The following MARCHF1 variants were observed in gnomAD, a reference collection of about 807,000 sequenced individuals.
MARCHF1 encodes the protein E3 ubiquitin-protein ligase MARCHF1.
A neutral mutation model predicts 54.2 loss-of-function variants in MARCHF1; 40 were observed. The ratio of observed to expected loss-of-function variants is 0.74; its 90% CI spans 0.57 to 0.96. The LOEUF is 0.96. Among genes scored for constraint, MARCHF1 ranks in the 40% least tolerant of loss-of-function variants. MARCHF1 has a pLI of 0.00. For synonymous variants in MARCHF1, 236 were observed against 236.3 expected (o/e 1.00, Z 0.01); for missense variants, 586 against 656.5 (o/e 0.89, Z 1.17).
chr4:164,104,841 T>C (rs1196701608), intron 2 of MARCHF1, among the ~76,000 whole-genome samples: 6 of 56,532 alleles, frequency 1.1e-4, no homozygotes, highest in East Asian at 5.8e-4. Context: ...TGTTTGCAGA[T>C]GACATGATTG....
chr4:164,203,918 A>G (rs145844049), intron 1 of MARCHF1, among the ~76,000 whole-genome samples: 134 of 152,338 alleles, frequency 8.8e-4, no homozygotes, highest in African/African-American at 3.2e-3. Context: ...TATCATGTTT[A>G]AAAACAGATC....
intron 4 of MARCHF1, among the ~76,000 whole-genome samples, chr4:163,755,699 T>A (rs1311276234): frequency 6.6e-6 from 1 of 151,366 alleles, no homozygotes; most frequent in African/African-American, 2.4e-5. Flanking sequence ...AAAAAGAAGA[T>A]CACCAAAATA....
At chr4:163,753,029 A>AAC (rs941151678) in intron 4 of MARCHF1, among the ~76,000 whole-genome samples, 1 of 152,164 alleles carries the variant, frequency 6.6e-6, no homozygotes, top group African/African-American at 2.4e-5. Context: ...TATTCTTTTG[A>AAC]ACACACACAT....
At position 163,983,159 on chromosome 4, in the gene MARCHF1, C is replaced by T. The variant is rs73872021; in HGVS notation, c.-39+5342G>A. Reference sequence around the variant, plus strand: ...ACAAATATGCATTTGAAGACAAACACGGCCTTTGTGTGCCAAAGTGAAGCA... The same window carrying T: ...ACAAATATGCATTTGAAGACAAACATGGCCTTTGTGTGCCAAAGTGAAGCA... On this transcript the variant is annotated intron_variant, in intron 3 of 9. Transcript: ENST00000514618. Among the ~76,000 whole-genome samples, 1,168 of 152,252 alleles carry T rather than the reference C, an allele frequency of 7.7e-3. 20 individuals are homozygous for T. Among genetic ancestry groups the T allele is most frequent in the African/African-American group, 0.027 (1,129 of 41,560 alleles).
intron 4 of MARCHF1, among the ~76,000 whole-genome samples, chr4:163,829,631 A>G (rs969141732): frequency 1.3e-5 from 2 of 152,202 alleles, no homozygotes; most frequent in East Asian, 3.9e-4. Context: ...GACAATATTG[A>G]AGACTGCCTT....
At chr4:163,613,083 G>A in intron 6 of MARCHF1, 45 bp from the exon 7 acceptor site, 1 of 1,426,216 alleles carries the variant, frequency 7.0e-7, no homozygotes, top group South Asian at 1.5e-5. Context: ...GAATGGAGAG[G>A]AAAGCCATGG....
At chr4:163,835,324 C>G (rs1259680831) in intron 4 of MARCHF1, among the ~76,000 whole-genome samples, 2 of 152,170 alleles carry the variant, frequency 1.3e-5, no homozygotes, top group African/African-American at 4.8e-5. Context: ...AGTCAGAAAT[C>G]TATTTAAATA....
At chr4:163,686,746 A>T (rs1744280893) in intron 5 of MARCHF1, among the ~76,000 whole-genome samples, 2 of 152,236 alleles carry the variant, frequency 1.3e-5, no homozygotes, top group South Asian at 4.1e-4. Flanking sequence ...AACTGACATA[A>T]GAAAAATGTT....
At chr4:163,871,138 T>C (rs1441263839) in intron 3 of MARCHF1, among the ~76,000 whole-genome samples, 1 of 152,062 alleles carries the variant, frequency 6.6e-6, no homozygotes, top group African/African-American at 2.4e-5. Flanking sequence ...AAAATATTAA[T>C]AAAAGCAAAA....
At chr4:163,634,652 A>C (rs1742244714) in intron 5 of MARCHF1, among the ~76,000 whole-genome samples, 1 of 152,076 alleles carries the variant, frequency 6.6e-6, no homozygotes, top group South Asian at 2.1e-4. Context: ...ATAATGGGAG[A>C]CTTTAACACC....
chr4:163,553,128 C>A (rs1357473203), intron 8 of MARCHF1, among the ~76,000 whole-genome samples: 6 of 151,522 alleles, frequency 4.0e-5, no homozygotes, highest in Admixed American at 2.6e-4. Flanking sequence ...TATTTTAATT[C>A]TCTGTGCCTC....
intron 5 of MARCHF1, among the ~76,000 whole-genome samples, chr4:163,631,309 C>G (rs1742069146): frequency 6.6e-6 from 1 of 151,868 alleles, no homozygotes; most frequent in African/African-American, 2.4e-5. Flanking sequence ...TCTCTTGCCT[C>G]AGCCTCCTGA....
At chr4:163,982,143 A>T (rs1002737007) in intron 3 of MARCHF1, among the ~76,000 whole-genome samples, 1 of 152,258 alleles carries the variant, frequency 6.6e-6, no homozygotes, top group African/African-American at 2.4e-5. Flanking sequence ...CCTGATTTTC[A>T]TTACATAAAA....
chr4:164,084,737 G>T (rs564170902), intron 2 of MARCHF1, among the ~76,000 whole-genome samples: 220 of 150,222 alleles, frequency 1.5e-3, no homozygotes, highest in African/African-American at 5.0e-3. Flanking sequence ...TGTTTTTTCA[G>T]TGTTCTAGTT....
chr4:163,912,794 T>C (rs141781463), intron 3 of MARCHF1, among the ~76,000 whole-genome samples: 1,566 of 152,258 alleles, frequency 0.01, 17 homozygotes, highest in Admixed American at 0.017. Context: ...CTGAAAACCA[T>C]AGAAACCAAA....
chr4:164,183,692 A>G (rs1481104632), intron 1 of MARCHF1, among the ~76,000 whole-genome samples: 1 of 152,202 alleles, frequency 6.6e-6, no homozygotes, highest in Non-Finnish European at 1.5e-5. Context: ...GTGATGCAGC[A>G]TTGACAAGAT....
chr4:163,626,703 T>C (rs1579126234), intron 5 of MARCHF1, among the ~76,000 whole-genome samples: 1 of 151,708 alleles, frequency 6.6e-6, no homozygotes, highest in African/African-American at 2.4e-5. Context: ...CCGAGGCGGG[T>C]GGATCATGAG....
At chr4:163,748,107 A>G (rs999153461) in intron 4 of MARCHF1, among the ~76,000 whole-genome samples, 2 of 152,232 alleles carry the variant, frequency 1.3e-5, no homozygotes, top group African/African-American at 4.8e-5. Context: ...AAGCCTGTTA[A>G]GGATACATTC....
intron 2 of MARCHF1, among the ~76,000 whole-genome samples, chr4:163,997,304 T>C (rs895393632): frequency 6.6e-6 from 1 of 151,970 alleles, no homozygotes; most frequent in South Asian, 2.1e-4. Context: ...AGGTGGTAAA[T>C]GATCAAAGGC....
Sources: gnomAD v4.1 joint callset for allele counts (sites outside exome capture counted in the v4.1 genomes callset) on GRCh38, gnomAD v4.1.1 for gene constraint, MANE v1.5 for transcripts, NCBI Gene and HGNC (gene_info 2026-07-23, HGNC 2026-07-21) for gene names.